PPFIBP1: variants seen among roughly 807,000 people sequenced by gnomAD.
PPFIBP1 encodes PPFIB scaffold protein 1, also known as liprin-beta-1.
A neutral mutation model predicts 137.8 loss-of-function variants in PPFIBP1; 112 were observed. The observed-to-expected ratio is 0.81, with a 90% CI of 0.70 to 0.95. The LOEUF (loss-of-function observed/expected upper bound fraction) is 0.95. Among genes scored for constraint, PPFIBP1 ranks in the 40% least tolerant of loss-of-function variants. The probability of loss-of-function intolerance (pLI) is 0.00; values close to 1 mark genes in which losing one functional copy is unlikely to be tolerated. For missense variants in PPFIBP1, 1,083 were observed against 1,196.6 expected, an observed-to-expected ratio of 0.91 and a Z score of 1.40; for synonymous variants, 378 against 417.3, an observed-to-expected ratio of 0.91 and a Z score of 1.15.
chr12:27,580,124 C>T (rs979843116), intron 2 of PPFIBP1, among the ~76,000 whole-genome samples: 1 of 151,956 alleles, frequency 6.6e-6, no homozygotes, highest in African/African-American at 2.4e-5. Context: ...TTGTGAGACC[C>T]GATGTGTCTA....
At chr12:27,674,781 T>C (rs1411650785) in intron 17 of PPFIBP1, among the ~76,000 whole-genome samples, 1 of 150,262 alleles carries the variant, frequency 6.7e-6, no homozygotes, top group Non-Finnish European at 1.5e-5. Flanking sequence ...AAAGATGTCG[T>C]CAACATGTGC....
At chr12:27,614,693 A>G (rs2055554115) in intron 2 of PPFIBP1, among the ~76,000 whole-genome samples, 1 of 152,202 alleles carries the variant, frequency 6.6e-6, no homozygotes, top group South Asian at 2.1e-4. Context: ...GCAGAAAAAG[A>G]AAGGACAGCC....
chr12:27,627,473 G>A (rs1273433230), intron 2 of PPFIBP1, among the ~76,000 whole-genome samples: 1 of 152,112 alleles, frequency 6.6e-6, no homozygotes, highest in Non-Finnish European at 1.5e-5. Context: ...TCAGTGAATT[G>A]TATCTATCTT....
intron 4 of PPFIBP1, among the ~76,000 whole-genome samples, chr12:27,639,843 G>A (rs1385110765): frequency 6.6e-6 from 1 of 152,190 alleles, no homozygotes; most frequent in Admixed American, 6.5e-5. Context: ...CACGGGACAT[G>A]CTCTCTGCAG....
At position 27,675,356 on chromosome 12, in the gene PPFIBP1, G is replaced by A. The variant is rs567094690; in HGVS notation, c.1411-1072G>A. On this transcript the variant is annotated intron_variant, in intron 17 of 29. Transcript: ENST00000228425. ...TTGACGTCATTGTTGAGCCATGGAT[G>A]ATAATATCACTAAATTGTGCCATCT... Among the ~76,000 whole-genome samples, 17 of 152,254 alleles carry A rather than the reference G, an allele frequency of 1.1e-4. No homozygotes were observed. In the East Asian group the frequency reaches 2.9e-3, roughly 26 times the overall value.
rs747771010 is a variant in PPFIBP1 at position 27,688,286 on chromosome 12, G to A, written c.2371-12G>A. On this transcript the variant is annotated splice_polypyrimidine_tract_variant and intron_variant, in intron 25 of 29. Coordinates refer to ENST00000228425, the MANE Select transcript of PPFIBP1 (RefSeq NM_003622.4). The stretch of plus-strand genomic sequence containing the variant: ...ATTTAATATTTAGGATCCTGGTTGT[G>A]TGTTCCCATAGAATACCATCGCCCC... 8.7e-6 allele frequency: 14 copies of A among 1,612,702 alleles called. No individual in the cohort carries two copies. Among genetic ancestry groups the A allele is most frequent in the Middle Eastern group, 1.7e-4 (1 of 6,056 alleles).
Position 27,595,629 on chromosome 12 carries a change from C to T in PPFIBP1, c.-36+17390C>T, listed in dbSNP as rs142608654. Among the ~76,000 whole-genome samples the T allele has an allele frequency of 6.9e-3, 1,049 of 151,952 alleles. 9 individuals carry two copies. Among genetic ancestry groups the T allele is most frequent in the African/African-American group, 0.024 (993 of 41,420 alleles). On this transcript the variant is annotated intron_variant, in intron 2 of 29. Transcript: ENST00000228425. The stretch of plus-strand genomic sequence containing the variant: ...CAGCACTTTGGGAGGCTGAGGTGGG[C>T]GGATCACCTGAGGTCCGGAGTTTGA...
At chr12:27,575,325 A>T (rs1265127191) in intron 1 of PPFIBP1, among the ~76,000 whole-genome samples, 1 of 152,190 alleles carries the variant, frequency 6.6e-6, no homozygotes, top group African/African-American at 2.4e-5. Flanking sequence ...CTTAAGTCAT[A>T]TCTGAAAGGA....
At chr12:27,578,322 C>T (rs1423372755) in intron 2 of PPFIBP1, 83 bp downstream of exon 2, 6 of 152,082 alleles carry the variant, frequency 3.9e-5, no homozygotes, top group Non-Finnish European at 8.8e-5. Context: ...GAATTTTTTT[C>T]CAGGAGTAAA....
intron 24 of PPFIBP1, among the ~76,000 whole-genome samples, chr12:27,685,609 C>G (rs930445558): frequency 3.3e-5 from 5 of 151,960 alleles, no homozygotes; most frequent in African/African-American, 1.2e-4. Flanking sequence ...AGTAAATGAC[C>G]CTGGAAAATT....
intron 19 of PPFIBP1, chr12:27,677,844 C>G (rs2060623074): frequency 6.6e-6 from 1 of 152,242 alleles, no homozygotes; most frequent in African/African-American, 2.4e-5. Context: ...GGGAAAGTTC[C>G]TTTGGGTTTT....
chr12:27,637,371 CTG>C (rs2057757707), intron 4 of PPFIBP1: 2 of 152,100 alleles, frequency 1.3e-5, no homozygotes, highest in African/African-American at 2.4e-5. Context: ...GCTTGTTGAT[CTG>C]TGTTTTCAGT....
At chr12:27,642,232 C>T (rs889458405) in intron 4 of PPFIBP1, among the ~76,000 whole-genome samples, 4 of 152,192 alleles carry the variant, frequency 2.6e-5, no homozygotes, top group African/African-American at 9.7e-5. Context: ...GTTATATCTC[C>T]CCCACTGACT....
chr12:27,557,384 C>T lies in PPFIBP1; in HGVS notation c.-123-20768C>T, dbSNP rs572041864. ...CCGAGTAGCTGGGACTACAGGTGCC[C>T]GCCACCACGCCTGGCTAATTTTGTG... is the stretch of plus-strand genomic sequence containing the variant. On this transcript the variant is annotated intron_variant, in intron 1 of 29. Coordinates refer to ENST00000228425, the MANE Select transcript of PPFIBP1 (RefSeq NM_003622.4). 2.8e-4 allele frequency among the ~76,000 whole-genome samples: 43 copies of T among 151,968 alleles called. 1 individual carries two copies. Among genetic ancestry groups the T allele is most frequent in the African/African-American group, 8.2e-4 (34 of 41,428 alleles).
chr12:27,679,978 T>G lies in PPFIBP1; in HGVS notation c.1812T>G (p.Ser604=). The change falls in exon 21 of 30, where the codon TCT becomes TCG. Residue 604 remains serine (S), a synonymous_variant. Transcript: ENST00000228425. The part of the protein sequence containing the change: ...QSTTFNPDDM[S]EPEFKRGGTR... ...CTACATTCAACCCAGATGACATGTC[T>G]GAGCCTGAATTCAAAAGAGGAGGGA... The G allele has an allele frequency of 6.2e-7, 1 of 1,614,130 alleles. No homozygotes were observed. Among genetic ancestry groups the G allele is most frequent in the Non-Finnish European group, 8.5e-7 (1 of 1,179,986 alleles).
chr12:27,662,420 G>C (rs762970172), intron 11 of PPFIBP1, among the ~76,000 whole-genome samples: 122 of 152,212 alleles, frequency 8.0e-4, no homozygotes, highest in Non-Finnish European at 1.2e-3. Flanking sequence ...ATTTTAGAAA[G>C]CTAACTCTGG....
intron 2 of PPFIBP1, among the ~76,000 whole-genome samples, chr12:27,623,323 C>G (rs1303901184): frequency 6.6e-6 from 1 of 152,152 alleles, no homozygotes; most frequent in Non-Finnish European, 1.5e-5. Context: ...GCCTACATCT[C>G]AAAGAGCATG....
chr12:27,551,822 T>TA (rs1946808576), intron 1 of PPFIBP1, among the ~76,000 whole-genome samples: 1 of 152,250 alleles, frequency 6.6e-6, no homozygotes, highest in African/African-American at 2.4e-5. Context: ...CATCTTGAAA[T>TA]AAAACAGTAT....
chr12:27,601,951 T>C (rs1249466072), intron 2 of PPFIBP1, among the ~76,000 whole-genome samples: 5 of 152,224 alleles, frequency 3.3e-5, no homozygotes, highest in Non-Finnish European at 7.3e-5. Context: ...AAATTGATTC[T>C]TCAGTCACAT....
Sources: allele counts gnomAD v4.1 joint callset (sites outside exome capture counted in the v4.1 genomes callset), GRCh38; gene constraint gnomAD v4.1.1; transcripts MANE v1.5; gene names NCBI Gene and HGNC (gene_info 2026-07-23, HGNC 2026-07-21).